The following PFKFB3 variants were observed in gnomAD, a reference collection of about 807,000 sequenced individuals.
PFKFB3 encodes the protein 6-phosphofructo-2-kinase/fructose-2,6-bisphosphatase 3.
In PFKFB3, 33 loss-of-function variants were observed where a neutral mutation model predicts 68.0. That is an observed-to-expected ratio of 0.49 (90% CI 0.37 to 0.65). The LOEUF (loss-of-function observed/expected upper bound fraction) is 0.65. PFKFB3 is among the 30% of genes least tolerant of loss of function. The pLI, the probability that PFKFB3 is intolerant of heterozygous loss-of-function variation, is 0.00. For synonymous variants in PFKFB3, 315 were observed against 288.2 expected (o/e 1.09, Z -0.94); for missense variants, 586 against 712.2 (o/e 0.82, Z 2.02).
rs538173800 is a variant in PFKFB3 at position 6,254,361 on chromosome 10, G to A, written c.1699G>A (p.Gly567Ser). ...TCACCTTTCTGGCTCTGCGGCAAGCGGCTCCTAATGATACCTGGCTGAAAG... is the reference window on the plus strand; with the variant it reads ...TCACCTTTCTGGCTCTGCGGCAAGCAGCTCCTAATGATACCTGGCTGAAAG... The change falls in exon 15 of 15, where the codon GGC (glycine) becomes AGC (serine). Residue 567 changes from glycine (G) to serine (S), a missense_variant. By Grantham distance (56) the Gly-to-Ser change is moderately conservative. Transcript: ENST00000640683. 5 of 398,520 alleles carry A rather than the reference G, an allele frequency of 1.3e-5. No individual in the cohort carries two copies. In the Admixed American group the frequency reaches 1.3e-4, roughly 11 times the overall value. The allele number at this position is 398,520 out of a possible 1,614,324, so 24.7% of individuals were successfully genotyped here. A position where few individuals can be genotyped will look rare whatever the true frequency, so the allele number is the denominator to read the frequency against.
chr10:6,178,594 G>A (rs927810344), intron 1 of PFKFB3, among the ~76,000 whole-genome samples: 23 of 152,112 alleles, frequency 1.5e-4, no homozygotes, highest in African/African-American at 5.3e-4. Context: ...TCCGCCCCAC[G>A]GGTCCCTCCT....
the PFKFB3 span, among the ~76,000 whole-genome samples, chr10:6,292,652 T>C: frequency 6.6e-6 from 1 of 151,038 alleles, no homozygotes; most frequent in Non-Finnish European, 1.5e-5. Flanking sequence ...AAAAAAAAAC[T>C]ATCAAGGGCA....
chr10:6,294,112 T>C, the PFKFB3 span: 1 of 496,608 alleles, frequency 2.0e-6, no homozygotes, highest in South Asian at 1.5e-5. Flanking sequence ...GAAACCATGG[T>C]CATATTTGCA....
At chr10:6,224,991 G>A (rs1035941473) in intron 13 of PFKFB3, among the ~76,000 whole-genome samples, 9 of 151,196 alleles carry the variant, frequency 6.0e-5, no homozygotes, top group Non-Finnish European at 1.0e-4. Flanking sequence ...GGGGGGTGGC[G>A]GGTGGGGAGG....
chr10:6,159,688 G>A (rs113988697), intron 1 of PFKFB3, among the ~76,000 whole-genome samples: 18,794 of 145,660 alleles, frequency 0.13, 1,490 homozygotes, highest in Non-Finnish European at 0.18. Flanking sequence ...GTGAAACTCC[G>A]TCTGAGGAAA....
At chr10:6,161,343 T>C (rs1841963053) in intron 1 of PFKFB3, among the ~76,000 whole-genome samples, 1 of 152,124 alleles carries the variant, frequency 6.6e-6, no homozygotes, top group Admixed American at 6.5e-5. Context: ...TTACCAGCAA[T>C]ATGAGGATCC....
chr10:6,206,854 C>A (rs866875281), intron 1 of PFKFB3, among the ~76,000 whole-genome samples: 16 of 20,050 alleles, frequency 8.0e-4, no homozygotes, highest in East Asian at 2.4e-3. Context: ...GGCGGCCGGG[C>A]AGAGACGCTC....
chr10:6,223,290 A>G (rs1845092601), intron 11 of PFKFB3, among the ~76,000 whole-genome samples: 1 of 152,066 alleles, frequency 6.6e-6, no homozygotes, highest in Admixed American at 6.6e-5. Context: ...TGGGGGCTGC[A>G]CTTCTCTTCA....
the PFKFB3 span, among the ~76,000 whole-genome samples, chr10:6,268,316 A>G: frequency 6.6e-6 from 1 of 152,180 alleles, no homozygotes; most frequent in African/African-American, 2.4e-5. Context: ...ATTATGCCTC[A>G]TGCTAGGAAC....
chr10:6,259,633 T>C (rs1287898297), downstream of PFKFB3, among the ~76,000 whole-genome samples: 3 of 151,546 alleles, frequency 2.0e-5, no homozygotes, highest in African/African-American at 7.3e-5. Flanking sequence ...CATCCATCCA[T>C]CCGTCCATCC....
intron 14 of PFKFB3, among the ~76,000 whole-genome samples, chr10:6,246,923 C>T (rs1461276129): frequency 6.6e-6 from 1 of 152,240 alleles, no homozygotes; most frequent in African/African-American, 2.4e-5. Flanking sequence ...GAAGAAGCCA[C>T]CTGAGATGCA....
Position 6,203,305 on chromosome 10 carries a change from G to A in PFKFB3, c.45G>A (p.Val15=). ...LTQSRVQKIW[V]PVDHRPSLPR... ...AGAGCCGAGTGCAGAAGATCTGGGT[G>A]CCCGTGGACCACAGGCCCTCGTTGC... Residue 15 remains valine, a synonymous_variant, in exon 1 of 15, where the codon GTG becomes GTA. Transcript: ENST00000379775. 6.2e-7 allele frequency: 1 copy of A among 1,610,836 alleles called. No individual in the cohort carries two copies. Among genetic ancestry groups the A allele is most frequent in the Non-Finnish European group, 8.5e-7 (1 of 1,178,668 alleles).
intron 1 of PFKFB3, among the ~76,000 whole-genome samples, chr10:6,157,876 G>A (rs773577849): frequency 6.6e-5 from 10 of 151,918 alleles, no homozygotes; most frequent in South Asian, 2.1e-4. Context: ...CCCAATCCAC[G>A]TTATGGAAAA....
At position 6,229,039 on chromosome 10, in the gene PFKFB3, C is replaced by T. The variant is rs570257277; in HGVS notation, c.1515+2674C>T. ...AGCCACATGAAGTGTCATCCCCTTG[C>T]CCCCCCAAAAACACACCCGCCCCTT... On this transcript the variant is annotated intron_variant, in intron 14 of 14. Transcript: ENST00000379775. The surrounding 1 kb of genome is among the most constrained non-coding windows in gnomAD (Gnocchi z 4.3). The T allele has an allele frequency of 8.3e-5, 40 of 483,300 alleles. No individual in the cohort carries two copies. Among genetic ancestry groups the T allele is most frequent in the African/African-American group, 6.5e-4 (33 of 50,804 alleles). The allele number at this position is 483,300 out of a possible 1,614,324, so 29.9% of individuals were successfully genotyped here.
At chr10:6,148,302 T>C (rs1841462072) in intron 1 of PFKFB3, among the ~76,000 whole-genome samples, 1 of 152,194 alleles carries the variant, frequency 6.6e-6, no homozygotes, top group Admixed American at 6.5e-5. Flanking sequence ...GTTGGTGCCA[T>C]GGTGCTGGCT....
chr10:6,167,009 A>G (rs1287668446), intron 1 of PFKFB3, among the ~76,000 whole-genome samples: 1 of 151,942 alleles, frequency 6.6e-6, no homozygotes, highest in Non-Finnish European at 1.5e-5. Flanking sequence ...TTGTATTTTC[A>G]GTGGAGATGG....
intron 1 of PFKFB3, chr10:6,146,443 A>G (rs1305544203): frequency 6.5e-7 from 1 of 1,535,652 alleles, no homozygotes; most frequent in Non-Finnish European, 8.7e-7. Flanking sequence ...CTCCTCTGTC[A>G]GCTGGACACG....
At chr10:6,202,723 C>T, upstream of PFKFB3, 1 of 223,718 alleles carries the variant, frequency 4.5e-6, no homozygotes, top group South Asian at 1.0e-4. Flanking sequence ...GGGCTGGGCG[C>T]GCTCCAGGCC....
intron 1 of PFKFB3, among the ~76,000 whole-genome samples, chr10:6,178,176 G>A (rs1046346858): frequency 6.6e-6 from 1 of 152,162 alleles, no homozygotes; most frequent in Non-Finnish European, 1.5e-5. Flanking sequence ...GGGAGCTGGC[G>A]GGCTTTATCT....
Sources: allele counts gnomAD v4.1 joint callset (sites outside exome capture counted in the v4.1 genomes callset), GRCh38; gene constraint gnomAD v4.1.1; non-coding constraint Gnocchi (gnomAD v3.1); transcripts MANE v1.5; gene names NCBI Gene and HGNC (gene_info 2026-07-23, HGNC 2026-07-21).